RPAP3: variants seen among roughly 807,000 people sequenced by gnomAD.
RPAP3 encodes the protein RNA polymerase II associated protein 3.
A neutral mutation model predicts 88.8 loss-of-function variants in RPAP3; 58 were observed. The observed-to-expected ratio is 0.65, with a 90% confidence interval of 0.53 to 0.81. The LOEUF (loss-of-function observed/expected upper bound fraction) is 0.81. RPAP3 is among the 40% of genes least tolerant of loss of function. The pLI, the probability that RPAP3 is intolerant of heterozygous loss-of-function variation, is 0.00. For missense variants in RPAP3, 751 were observed against 764.3 expected, an observed-to-expected ratio of 0.98 and a Z score of 0.20; for synonymous variants, 255 against 259.9, an observed-to-expected ratio of 0.98 and a Z score of 0.18.
intron 10 of RPAP3, among the ~76,000 whole-genome samples, chr12:47,681,224 T>A (rs894723530): frequency 2.6e-5 from 4 of 152,202 alleles, no homozygotes; most frequent in African/African-American, 4.8e-5. Flanking sequence ...ATAAAATTAC[T>A]GCCTTAAGGC....
chr12:47,663,512 C>A lies in RPAP3; in HGVS notation c.1991G>T (p.Gly664Val). 6.3e-7 allele frequency: 1 copy of A among 1,582,586 alleles called. No individual in the cohort carries two copies. Among genetic ancestry groups the A allele is most frequent in the Non-Finnish European group, 8.6e-7 (1 of 1,162,908 alleles). The part of the protein sequence containing the change: ...SSVEELKKRY[G>V]G Reference sequence around the variant, plus strand: ...TTTCAGCAAAAATGGAAATCAACCACCGTATCTTTTCTTGAGTTCTTCGAC... The same window carrying A: ...TTTCAGCAAAAATGGAAATCAACCAACGTATCTTTTCTTGAGTTCTTCGAC... Residue 664 changes from glycine to valine, a missense_variant, in exon 17 of 17, where the codon GGT becomes GTT. Transcript: ENST00000005386.
intron 16 of RPAP3, among the ~76,000 whole-genome samples, chr12:47,666,692 T>C (rs2136604539): frequency 6.6e-6 from 1 of 152,318 alleles, no homozygotes; most frequent in African/African-American, 2.4e-5. Flanking sequence ...CTATGTGACC[T>C]TAGCAAGTTT....
chr12:47,690,466 A>T (rs1241331177), intron 6 of RPAP3, 52 bp downstream of exon 6: 2 of 1,458,742 alleles, frequency 1.4e-6, no homozygotes, highest in Middle Eastern at 1.8e-4. Flanking sequence ...TCCATATAGC[A>T]TCTGTGAGAT....
chr12:47,682,053 G>A (rs976274775), intron 9 of RPAP3, among the ~76,000 whole-genome samples: 8 of 152,034 alleles, frequency 5.3e-5, no homozygotes, highest in African/African-American at 1.5e-4. Flanking sequence ...CTGCTGGAGC[G>A]ATGAAATAAT....
chr12:47,674,706 T>G (rs1029099822), intron 12 of RPAP3, among the ~76,000 whole-genome samples: 1 of 136,210 alleles, frequency 7.3e-6, no homozygotes, highest in Non-Finnish European at 1.7e-5. Context: ...GAAAAAAGAG[T>G]AAAAGAAACA....
intron 7 of RPAP3, among the ~76,000 whole-genome samples, chr12:47,688,395 T>A (rs565030910): frequency 6.6e-6 from 1 of 152,040 alleles, no homozygotes; most frequent in East Asian, 1.9e-4. Context: ...ATGCTCACTA[T>A]CTAGGTGGCG....
chr12:47,702,411 G>A (rs1939672644), intron 2 of RPAP3, among the ~76,000 whole-genome samples: 1 of 151,920 alleles, frequency 6.6e-6, no homozygotes, highest in South Asian at 2.1e-4. Flanking sequence ...AAAAGTAGCT[G>A]GGCGTGGTGG....
chr12:47,668,966 C>G lies in RPAP3; in HGVS notation c.1663G>C (p.Asp555His), dbSNP rs754954744. ...IPANSFQLES[D>H]FRQLKSSPDM... ...GGAGAACTTTTCAATTGTCTGAAAT[C>G]AGATTCGAGCTGGAACGAGTTTGCA... The change falls in exon 14 of 17, where the codon GAT becomes CAT. Residue 555 changes from aspartate (D) to histidine (H), a missense_variant. Transcript: ENST00000005386. The G allele has an allele frequency of 5.0e-6, 8 of 1,614,018 alleles. No homozygotes were observed. In the Admixed American group the frequency reaches 1.3e-4, roughly 27 times the overall value.
chr12:47,673,850 G>A (rs1197275290), intron 12 of RPAP3, among the ~76,000 whole-genome samples: 3 of 151,948 alleles, frequency 2.0e-5, no homozygotes, highest in Non-Finnish European at 4.4e-5. Context: ...TTTACTTGAT[G>A]CAAGGGTGTT....
Position 47,664,312 on chromosome 12 carries a change from C to A in RPAP3, c.1913-722G>T, listed in dbSNP as rs377078062. Among the ~76,000 whole-genome samples, 145 of 152,266 alleles carry A rather than the reference C, an allele frequency of 9.5e-4. 3 individuals carry two copies. In the South Asian group the frequency reaches 0.028, roughly 30 times the overall value. The stretch of plus-strand genomic sequence containing the variant: ...GGCTGAGGCAGGAGAATGGCGTGAA[C>A]CCAGGAGGCGGAGCTTGCAGTGAGC... On this transcript the variant is annotated intron_variant, in intron 16 of 16. Transcript: ENST00000005386.
rs780726964 is a variant in RPAP3 at position 47,663,543 on chromosome 12, T to C, written c.1960A>G (p.Ser654Gly). 1.3e-5 allele frequency: 20 copies of C among 1,592,284 alleles called. No individual in the cohort carries two copies. Among genetic ancestry groups the C allele is most frequent in the Non-Finnish European group, 1.5e-5 (18 of 1,170,606 alleles). Residue 654 changes from serine to glycine, a missense_variant, in exon 17 of 17, where the codon AGT (serine) becomes GGT (glycine). Physicochemically the swap from Ser to Gly is moderately conservative, Grantham distance 56. Transcript: ENST00000005386. ...CTTTTCTTGAGTTCTTCGACAGAAC[T>C]ATCCTTCAATCCTGACTTGTCTATG... Reference protein sequence around the residue: ...NHIDKSGLKDSSVEELKKRYG... With the variant: ...NHIDKSGLKDGSVEELKKRYG...
chr12:47,679,211 A>T (rs1939174600), intron 12 of RPAP3, among the ~76,000 whole-genome samples: 1 of 152,184 alleles, frequency 6.6e-6, no homozygotes, highest in South Asian at 2.1e-4. Flanking sequence ...GATCACCTGG[A>T]CACAGGGCAG....
In RPAP3 at chr12:47,689,182, T is replaced by C. The variant is rs377363607; in HGVS notation, c.681A>G (p.Val227=). 2.1e-6 allele frequency: 3 copies of C among 1,408,260 alleles called. No homozygotes were observed. Among genetic ancestry groups the C allele is most frequent in the African/African-American group, 1.4e-5 (1 of 69,716 alleles). 87.2% of individuals were successfully genotyped at this position (1,408,260 alleles called of 1,614,324 possible). A position where few individuals can be genotyped will look rare whatever the true frequency, so the allele number is the denominator to read the frequency against. Residue 227 remains valine, a synonymous_variant, in exon 7 of 17, where the codon GTA becomes GTG. Coordinates refer to ENST00000005386, the MANE Select transcript of RPAP3 (RefSeq NM_024604.3). ...LEEAKKDYER[V]LELEPNNFEA... ...CAAAGTTATTTGGTTCTAGTTCTAA[T>C]ACTCTTTCATAATCTAAGTAAAAGA...
At position 47,696,520 on chromosome 12, in the gene RPAP3, A is replaced by G. The variant is rs956568426; in HGVS notation, c.418-117T>C. 1.3e-5 allele frequency: 8 copies of G among 620,652 alleles called. No individual in the cohort carries two copies. The Admixed American group carries it at 2.0e-4, about 15-fold the overall frequency. 38.4% of individuals were successfully genotyped at this position (620,652 alleles called of 1,614,324 possible). A position where few individuals can be genotyped will look rare whatever the true frequency, so the allele number is the denominator to read the frequency against. On this transcript the variant is annotated intron_variant, in intron 4 of 16. Transcript: ENST00000005386. ...TCCACTTAAATGTAGATTTTTTTCA[A>G]TAGAAGTCTACACCAAGTGTGCCTG...
At chr12:47,674,722 A>G (rs1939074372) in intron 12 of RPAP3, among the ~76,000 whole-genome samples, 1 of 150,072 alleles carries the variant, frequency 6.7e-6, no homozygotes, top group South Asian at 2.1e-4. Context: ...AAACAAACAA[A>G]GCCTCCAAGA....
intron 9 of RPAP3, among the ~76,000 whole-genome samples, chr12:47,682,268 C>T (rs1939236115): frequency 6.6e-6 from 1 of 152,102 alleles, no homozygotes; most frequent in African/African-American, 2.4e-5. Context: ...AATGTGATAG[C>T]ATATCATCTA....
chr12:47,676,784 G>A (rs1029422844), intron 12 of RPAP3, among the ~76,000 whole-genome samples: 32 of 152,214 alleles, frequency 2.1e-4, no homozygotes, highest in Admixed American at 1.2e-3. Context: ...AGGACCAGAC[G>A]GATTCACAGC....
chr12:47,679,987 C>A (rs1299895285), intron 10 of RPAP3, among the ~76,000 whole-genome samples: 2 of 152,120 alleles, frequency 1.3e-5, no homozygotes, highest in Non-Finnish European at 1.5e-5. Context: ...CTCACTACAA[C>A]CCCACTTTAA....
At chr12:47,688,274 ATT>A (rs1349234240) in intron 7 of RPAP3, among the ~76,000 whole-genome samples, 3 of 150,252 alleles carry the variant, frequency 2.0e-5, no homozygotes, top group African/African-American at 7.3e-5. Flanking sequence ...GGAGGTAAAC[ATT>A]GGGTACACAT....
Sources: gnomAD v4.1 joint callset for allele counts (sites outside exome capture counted in the v4.1 genomes callset) on GRCh38, gnomAD v4.1.1 for gene constraint, MANE v1.5 for transcripts, NCBI Gene and HGNC (gene_info 2026-07-23, HGNC 2026-07-21) for gene names.